The following TEAD1 variants were observed in gnomAD, a reference collection of about 807,000 sequenced individuals.
TEAD1 encodes transcriptional enhancer factor TEF-1.
A neutral mutation model predicts 54.9 loss-of-function variants in TEAD1; 9 were observed. The observed-to-expected ratio is 0.16, with a 90% CI of 0.10 to 0.29. The LOEUF is 0.29. Among genes scored for constraint, TEAD1 ranks in the 10% least tolerant of loss-of-function variants. The pLI, the probability that TEAD1 is intolerant of heterozygous loss-of-function variation, is 1.00. For synonymous variants in TEAD1, 200 were observed against 187.8 expected (o/e 1.07, Z -0.53); for missense variants, 387 against 535.9 (o/e 0.72, Z 2.74).
chr11:12,836,160 C>T lies in TEAD1; in HGVS notation c.203-26090C>T, dbSNP rs377210868. Among the ~76,000 whole-genome samples the T allele has an allele frequency of 6.3e-4, 96 of 152,218 alleles. 1 individual carries two copies. The highest frequency in any genetic ancestry group is 2.2e-3 in the African/African-American group (93 of 41,536). ...TTTAGGCCGGGTGTGGTGGCTCACG[C>T]CTGTAATCCCAGCGCTTCAGGAGGC... On this transcript the variant is annotated intron_variant, in intron 3 of 12. Coordinates refer to ENST00000527636, the MANE Select transcript of TEAD1 (RefSeq NM_021961.6).
intron 2 of TEAD1, among the ~76,000 whole-genome samples, chr11:12,702,228 G>A (rs534656238): frequency 4.6e-5 from 7 of 152,326 alleles, no homozygotes; most frequent in African/African-American, 1.7e-4. Context: ...AGGCTCAGGT[G>A]TCAGTGGTCC....
intron 3 of TEAD1, among the ~76,000 whole-genome samples, chr11:12,800,357 T>TA (rs1431586001): frequency 6.6e-6 from 1 of 152,222 alleles, no homozygotes; most frequent in Non-Finnish European, 1.5e-5. Context: ...TAGTTCAGTG[T>TA]AGCAAGCTTT....
Position 12,937,020 on chromosome 11 carries a change from T to G in TEAD1, c.1168-89T>G, listed in dbSNP as rs1325037155. 3 of 890,024 alleles carry G rather than the reference T, an allele frequency of 3.4e-6. No individual in the cohort carries two copies. In the African/African-American group the frequency reaches 5.0e-5, roughly 15 times the overall value. The allele number at this position is 890,024 out of a possible 1,614,324, so 55.1% of individuals were successfully genotyped here. A position where few individuals can be genotyped will look rare whatever the true frequency, so the allele number is the denominator to read the frequency against. The stretch of plus-strand genomic sequence containing the variant: ...AAATCTCTCTTGGACTTAAGACTTG[T>G]TCTTCTCCAATTAAGTCATAGTCGT... On this transcript the variant is annotated intron_variant, in intron 12 of 12. Coordinates refer to ENST00000527636, the MANE Select transcript of TEAD1 (RefSeq NM_021961.6).
chr11:12,723,358 C>T (rs542675832), intron 2 of TEAD1, among the ~76,000 whole-genome samples: 1 of 152,148 alleles, frequency 6.6e-6, no homozygotes, highest in Non-Finnish European at 1.5e-5. Flanking sequence ...CAGTCAGGAC[C>T]TAGCTGTGGT....
intron 5 of TEAD1, among the ~76,000 whole-genome samples, chr11:12,872,301 T>C (rs144527902): frequency 2.0e-5 from 3 of 152,332 alleles, no homozygotes; most frequent in East Asian, 3.9e-4. Flanking sequence ...ACTTGGCTGT[T>C]AGCAGTGCAG....
intron 2 of TEAD1, among the ~76,000 whole-genome samples, chr11:12,738,524 C>T (rs4625440): frequency 4.9e-4 from 75 of 152,214 alleles, no homozygotes; most frequent in African/African-American, 1.6e-3. Context: ...ATCTTAGCCC[C>T]GGGATACCAG....
intron 2 of TEAD1, among the ~76,000 whole-genome samples, chr11:12,752,916 C>CTA (rs1445072912): frequency 8.6e-5 from 13 of 151,768 alleles, no homozygotes; most frequent in Non-Finnish European, 1.6e-4. Context: ...TCACAGCTCA[C>CTA]TACAGCTTGA....
chr11:12,834,901 T>C (rs940016018), intron 3 of TEAD1, among the ~76,000 whole-genome samples: 1 of 152,014 alleles, frequency 6.6e-6, no homozygotes, highest in African/African-American at 2.4e-5. Flanking sequence ...ACAGAGCAAT[T>C]ATAGATAAGT....
chr11:12,912,395 C>T (rs1564987932), intron 10 of TEAD1, among the ~76,000 whole-genome samples: 1 of 152,058 alleles, frequency 6.6e-6, no homozygotes, highest in African/African-American at 2.4e-5. Context: ...CGGAAGGGCT[C>T]ACAAAGACAT....
intron 3 of TEAD1, among the ~76,000 whole-genome samples, chr11:12,855,273 TTTTCTTTTTTCTTTC>T (rs1208220269): frequency 1.3e-5 from 2 of 152,054 alleles, no homozygotes; most frequent in Non-Finnish European, 2.9e-5. Flanking sequence ...CTTTCTTTTT[TTTTCTTTTTTCTTTC>T]TTTCTTTTTT....
intron 10 of TEAD1, among the ~76,000 whole-genome samples, chr11:12,904,358 T>A (rs34149032): frequency 0.16 from 25,042 of 152,222 alleles, 2,396 homozygotes; most frequent in Non-Finnish European, 0.22. Flanking sequence ...GGGAAATTTG[T>A]GCCTACCTTA....
chr11:12,903,100 A>C (rs1315652814), intron 10 of TEAD1, among the ~76,000 whole-genome samples: 1 of 152,082 alleles, frequency 6.6e-6, no homozygotes, highest in African/African-American at 2.4e-5. Context: ...GCTTTGTGCT[A>C]GGAGCTGTGC....
At chr11:12,834,710 C>CCT (rs1223948642) in intron 3 of TEAD1, among the ~76,000 whole-genome samples, 1 of 150,630 alleles carries the variant, frequency 6.6e-6, no homozygotes, top group Admixed American at 6.6e-5. Flanking sequence ...GATCATCCTG[C>CCT]CTCAGCCTCC....
chr11:12,707,284 T>A (rs549716719), intron 2 of TEAD1, among the ~76,000 whole-genome samples: 1 of 152,078 alleles, frequency 6.6e-6, no homozygotes, highest in African/African-American at 2.4e-5. Flanking sequence ...CTTCCACTCC[T>A]CCTCATGCTG....
rs568495402 is a variant in TEAD1 at position 12,808,464 on chromosome 11, G to A, written c.202+44030G>A. ...GGCACCTCTCTGTGCCTTCCTCTTC[G>A]CTAAGCCTCAGTTTTTTTGTTTTTG... On this transcript the variant is annotated intron_variant, in intron 3 of 12. Transcript: ENST00000527636. Among the ~76,000 whole-genome samples the A allele has an allele frequency of 3.9e-5, 6 of 152,224 alleles. No individual in the cohort carries two copies. The East Asian group carries it at 5.8e-4, about 15-fold the overall frequency.
chr11:12,791,926 A>G (rs1945811048), intron 3 of TEAD1, among the ~76,000 whole-genome samples: 1 of 152,248 alleles, frequency 6.6e-6, no homozygotes, highest in African/African-American at 2.4e-5. Flanking sequence ...GCACCATAGT[A>G]TATGATTACA....
chr11:12,836,210 G>C (rs1946888781), intron 3 of TEAD1, among the ~76,000 whole-genome samples: 1 of 152,086 alleles, frequency 6.6e-6, no homozygotes, highest in Admixed American at 6.5e-5. Context: ...CATGAGGTCA[G>C]GAGATGAAGA....
intron 2 of TEAD1, among the ~76,000 whole-genome samples, chr11:12,734,079 C>T (rs890830267): frequency 1.3e-5 from 2 of 152,102 alleles, no homozygotes; most frequent in South Asian, 2.1e-4. Context: ...ACCACCATGC[C>T]TAATTTTTAA....
At chr11:12,830,969 A>G (rs1208001519) in intron 3 of TEAD1, among the ~76,000 whole-genome samples, 1 of 151,872 alleles carries the variant, frequency 6.6e-6, no homozygotes, top group East Asian at 1.9e-4. Flanking sequence ...CCTGCCCTTC[A>G]TCTGCCGCAG....
Sources: gnomAD v4.1 joint callset for allele counts (sites outside exome capture counted in the v4.1 genomes callset) on GRCh38, gnomAD v4.1.1 for gene constraint, MANE v1.5 for transcripts, NCBI Gene and HGNC (gene_info 2026-07-23, HGNC 2026-07-21) for gene names.